Variants in MAPDA observed in about 807,000 individuals in gnomAD.
MAPDA encodes N6,N6-dimethyl-AMP deaminase.
the MAPDA span, among the ~76,000 whole-genome samples, chr15:43,347,641 CT>C: frequency 6.6e-6 from 1 of 152,196 alleles, no homozygotes. Flanking sequence ...TTTTGAGGGA[CT>C]TTGCTGCAAT....
At chr15:43,335,216 G>T in the MAPDA span, 3 of 1,588,032 alleles carry the variant, frequency 1.9e-6, no homozygotes, top group East Asian at 2.2e-5. Flanking sequence ...TAATTATAAT[G>T]ACTTTGATGT....
the MAPDA span, among the ~76,000 whole-genome samples, chr15:43,345,215 G>A: frequency 3.4e-4 from 52 of 152,110 alleles, 1 homozygote; most frequent in South Asian, 2.3e-3. Flanking sequence ...TTAGCCGGGC[G>A]TGGTGGCACG....
chr15:43,336,663 A>G, the MAPDA span: 7 of 1,565,236 alleles, frequency 4.5e-6, no homozygotes, highest in African/African-American at 1.4e-5. Flanking sequence ...TCAGCTTACT[A>G]GTAGCCCTGA....
At chr15:43,335,510 G>A in the MAPDA span, among the ~76,000 whole-genome samples, 1 of 152,046 alleles carries the variant, frequency 6.6e-6, no homozygotes, top group Non-Finnish European at 1.5e-5. Flanking sequence ...CTCCAGCCTG[G>A]GTGACAGAGG....
At chr15:43,343,007 G>C in the MAPDA span, 1 of 1,580,676 alleles carries the variant, frequency 6.3e-7, no homozygotes, top group Admixed American at 1.9e-5. Flanking sequence ...TGACTAAAAA[G>C]ACTTATGTGG....
At chr15:43,339,881 G>T in the MAPDA span, among the ~76,000 whole-genome samples, 2 of 152,144 alleles carry the variant, frequency 1.3e-5, no homozygotes, top group African/African-American at 4.8e-5. Flanking sequence ...GTTTATTTCT[G>T]TATGTGCATT....
At chr15:43,348,042 T>C in the MAPDA span, among the ~76,000 whole-genome samples, 1 of 152,278 alleles carries the variant, frequency 6.6e-6, no homozygotes, top group Non-Finnish European at 1.5e-5. Context: ...ATCTCTGGCC[T>C]TGTGTGCAAC....
At chr15:43,349,912 G>T in the MAPDA span, among the ~76,000 whole-genome samples, 1 of 152,194 alleles carries the variant, frequency 6.6e-6, no homozygotes, top group Admixed American at 6.5e-5. Flanking sequence ...AACAGAGGGG[G>T]CAGCTTGGGT....
the MAPDA span, chr15:43,349,254 T>C: frequency 7.8e-7 from 1 of 1,289,952 alleles, no homozygotes; most frequent in Non-Finnish European, 9.8e-7. Context: ...GGGCCCCTGC[T>C]TGTCTTATTC....
chr15:43,354,143 T>G, the MAPDA span: 3 of 152,158 alleles, frequency 2.0e-5, no homozygotes, highest in African/African-American at 7.2e-5. Context: ...ATTGATTGCT[T>G]GCTTGATGGT....
chr15:43,350,358 G>A, the MAPDA span, among the ~76,000 whole-genome samples: 1 of 151,740 alleles, frequency 6.6e-6, no homozygotes, highest in South Asian at 2.1e-4. Flanking sequence ...GATTACAGGC[G>A]TGAGTCACCA....
chr15:43,333,955 GT>G, the MAPDA span, among the ~76,000 whole-genome samples: 1 of 152,224 alleles, frequency 6.6e-6, no homozygotes, highest in African/African-American at 2.4e-5. Flanking sequence ...ATCACCTACA[GT>G]GTGCTAGGCA....
At chr15:43,344,614 C>T in the MAPDA span, among the ~76,000 whole-genome samples, 2 of 151,742 alleles carry the variant, frequency 1.3e-5, no homozygotes, top group Non-Finnish European at 2.9e-5. Flanking sequence ...TTGGAGACCA[C>T]CCTGGCCAAC....
chr15:43,351,175 G>C, the MAPDA span: 1 of 807,840 alleles, frequency 1.2e-6, no homozygotes, highest in Non-Finnish European at 2.0e-6. Flanking sequence ...AGGGACCGGG[G>C]TGTGGCTGAG....
chr15:43,331,289 G>C, the MAPDA span, among the ~76,000 whole-genome samples: 1 of 152,344 alleles, frequency 6.6e-6, no homozygotes, highest in South Asian at 2.1e-4. Context: ...AGTCACTGAA[G>C]AGAGGTGATT....
chr15:43,346,129 A>G, the MAPDA span: 7 of 1,069,220 alleles, frequency 6.5e-6, no homozygotes, highest in Non-Finnish European at 8.0e-6. Flanking sequence ...CTGGATGACC[A>G]GAATGCCTAG....
chr15:43,339,287 T>C, the MAPDA span, among the ~76,000 whole-genome samples: 1 of 152,258 alleles, frequency 6.6e-6, no homozygotes, highest in Non-Finnish European at 1.5e-5. Context: ...TCTTTGGCTG[T>C]GTATTCTCAG....
chr15:43,334,633 T>TAATATATATATATATATATATATATA, the MAPDA span, among the ~76,000 whole-genome samples: 2 of 65,142 alleles, frequency 3.1e-5, no homozygotes, highest in Non-Finnish European at 9.3e-5. Context: ...CTCAAAAAAA[T>TAATATATATATATATATATATATATA]TATATATATA....
the MAPDA span, among the ~76,000 whole-genome samples, chr15:43,343,369 G>T: frequency 6.6e-6 from 1 of 152,194 alleles, no homozygotes; most frequent in Non-Finnish European, 1.5e-5. Context: ...GGCTGCCTCT[G>T]TTACTTCAGC....
Sources: gnomAD v4.1 joint callset for allele counts (sites outside exome capture counted in the v4.1 genomes callset) on GRCh38, gnomAD v4.1.1 for gene constraint, MANE v1.5 for transcripts, NCBI Gene and HGNC (gene_info 2026-07-23, HGNC 2026-07-21) for gene names.